The following FAM193A variants were observed in gnomAD, a reference collection of about 807,000 sequenced individuals.
FAM193A encodes family with sequence similarity 193 member A.
In FAM193A, 22 loss-of-function variants were observed where a neutral mutation model predicts 126.5. That is an observed-to-expected ratio of 0.17 (90% CI 0.12 to 0.25). The LOEUF is 0.25. FAM193A is among the 10% of genes least tolerant of loss of function. The probability of loss-of-function intolerance (pLI) is 1.00; values close to 1 mark genes in which losing one functional copy is unlikely to be tolerated. For synonymous variants in FAM193A, 761 were observed against 646.8 expected, an observed-to-expected ratio of 1.18 and a Z score of -2.68; for missense variants, 1,675 against 1,672.8, an observed-to-expected ratio of 1.00 and a Z score of -0.02.
chr4:2,634,174 G>T (rs546937860), intron 5 of FAM193A, among the ~76,000 whole-genome samples: 1 of 152,316 alleles, frequency 6.6e-6, no homozygotes, highest in Non-Finnish European at 1.5e-5. Flanking sequence ...AGCTCTCGTG[G>T]CCTTGGGGTG....
intron 20 of FAM193A, among the ~76,000 whole-genome samples, chr4:2,717,757 A>G (rs1719703034): frequency 4.1e-5 from 2 of 48,318 alleles, no homozygotes; most frequent in African/African-American, 1.4e-4. Context: ...CCTGTCTGAA[A>G]AAAAAAAAAA....
intron 10 of FAM193A, 92 bp downstream of exon 10, chr4:2,660,146 C>G (rs1369335414): frequency 4.5e-6 from 6 of 1,346,168 alleles, no homozygotes; most frequent in Non-Finnish European, 6.1e-6. Flanking sequence ...GTATGAACAT[C>G]ATTATTGTGC....
intron 13 of FAM193A, among the ~76,000 whole-genome samples, chr4:2,686,088 C>T (rs909701675): frequency 5.3e-5 from 8 of 152,280 alleles, no homozygotes; most frequent in African/African-American, 1.4e-4. Flanking sequence ...AGGTGACAGA[C>T]ACCTATTTTT....
intron 19 of FAM193A, among the ~76,000 whole-genome samples, chr4:2,707,887 T>C (rs1718486190): frequency 6.6e-6 from 1 of 151,954 alleles, no homozygotes; most frequent in African/African-American, 2.4e-5. Flanking sequence ...TAGCTGGAAT[T>C]ACAGGTGCCG....
At chr4:2,713,299 G>A (rs572713467) in intron 19 of FAM193A, among the ~76,000 whole-genome samples, 3 of 151,698 alleles carry the variant, frequency 2.0e-5, no homozygotes, top group East Asian at 3.9e-4. Flanking sequence ...CCAGCTACTC[G>A]GGAGGCTGAG....
In FAM193A at chr4:2,625,410, T is replaced by C. The variant is rs1341449270; in HGVS notation, c.635+15T>C. On this transcript the variant is annotated intron_variant, in intron 3 of 20. Coordinates refer to ENST00000637812, the MANE Select transcript of FAM193A (RefSeq NM_001366318.2). ...AGTGAGCGCAGGTATGTGACGTGTGTGCCACGTTGCTCACACCTGTCCACA... is the reference window on the plus strand; with the variant it reads ...AGTGAGCGCAGGTATGTGACGTGTGCGCCACGTTGCTCACACCTGTCCACA... 1.3e-5 allele frequency: 9 copies of C among 696,624 alleles called. No homozygotes were observed. The East Asian group carries it at 2.2e-4, about 17-fold the overall frequency. The allele number at this position is 696,624 out of a possible 1,614,324, so 43.2% of individuals were successfully genotyped here. A position where few individuals can be genotyped will look rare whatever the true frequency, so the allele number is the denominator to read the frequency against.
At chr4:2,543,668 C>T (rs879464912) in intron 1 of FAM193A, among the ~76,000 whole-genome samples, 4 of 151,698 alleles carry the variant, frequency 2.6e-5, no homozygotes, top group Admixed American at 2.0e-4. Context: ...ACCAGCCTGG[C>T]CAACATGGAG....
chr4:2,602,479 G>C (rs1253975637), intron 2 of FAM193A, among the ~76,000 whole-genome samples: 2 of 150,440 alleles, frequency 1.3e-5, no homozygotes, highest in African/African-American at 4.9e-5. Context: ...CTTAGCCTCT[G>C]AGTAGCTGGG....
chr4:2,657,278 C>G (rs538075043), intron 7 of FAM193A, among the ~76,000 whole-genome samples: 1 of 152,276 alleles, frequency 6.6e-6, no homozygotes, highest in South Asian at 2.1e-4. Flanking sequence ...GCTTACAGAA[C>G]CGACTTTCGG....
chr4:2,662,051 C>T (rs1712515531), intron 10 of FAM193A, among the ~76,000 whole-genome samples: 1 of 151,928 alleles, frequency 6.6e-6, no homozygotes, highest in African/African-American at 2.4e-5. Context: ...GGCGTGGTGG[C>T]GGGTGCTTGT....
At position 2,690,721 on chromosome 4, in the gene FAM193A, C is replaced by G. The variant is rs1405698861; in HGVS notation, c.2554C>G (p.Leu852Val). 6 of 1,613,336 alleles carry G rather than the reference C, an allele frequency of 3.7e-6. No homozygotes were observed. The Admixed American group carries it at 8.4e-5, about 22-fold the overall frequency. Residue 852 changes from leucine (L) to valine (V), a missense_variant, in exon 15 of 21, where the codon CTC (leucine) becomes GTC (valine). Coordinates refer to ENST00000637812, the MANE Select transcript of FAM193A (RefSeq NM_001366318.2). The part of the protein sequence containing the change: ...ISGSEILGPT[L>V]SETRPEALPP... ...AGGGAGTGAAATATTAGGGCCAACA[C>G]TCTCAGAAACAAGACCGGAAGCCCT...
chr4:2,623,513 G>A (rs1742681724), intron 2 of FAM193A, among the ~76,000 whole-genome samples: 1 of 152,224 alleles, frequency 6.6e-6, no homozygotes, highest in Non-Finnish European at 1.5e-5. Flanking sequence ...GCAACGCTCA[G>A]GCTTTTCTGC....
chr4:2,716,198 G>A, intron 20 of FAM193A, 94 bp downstream of exon 20: 2 of 873,458 alleles, frequency 2.3e-6, no homozygotes, highest in Non-Finnish European at 3.9e-6. Context: ...TAGTTGTCTT[G>A]GACGAAGTTA....
chr4:2,712,774 ATGTGT>A (rs922756500), intron 19 of FAM193A, among the ~76,000 whole-genome samples: 6 of 151,818 alleles, frequency 4.0e-5, no homozygotes, highest in South Asian at 2.1e-4. Context: ...TTTTTTTAAA[ATGTGT>A]TGTGGGGTTT....
At chr4:2,607,948 T>A in intron 2 of FAM193A, 1 of 1,449,632 alleles carries the variant, frequency 6.9e-7, no homozygotes, top group Non-Finnish European at 9.4e-7. Context: ...CACAGATTCT[T>A]TTCTTTTTTT....
intron 13 of FAM193A, among the ~76,000 whole-genome samples, chr4:2,675,454 T>C (rs1370861123): frequency 2.6e-5 from 4 of 152,232 alleles, no homozygotes; most frequent in Non-Finnish European, 4.4e-5. Flanking sequence ...ACATTGAGAA[T>C]TGTTACGTCG....
At chr4:2,662,802 G>A (rs778574081) in intron 10 of FAM193A, 36 bp from the exon 11 acceptor site, 121 of 1,565,664 alleles carry the variant, frequency 7.7e-5, no homozygotes, top group Non-Finnish European at 9.8e-5. Context: ...TTTCACAATT[G>A]AATGACCTCA....
intron 20 of FAM193A, 120 bp from the exon 21 acceptor site, chr4:2,731,655 C>G: frequency 1.3e-6 from 1 of 749,992 alleles, no homozygotes; most frequent in Non-Finnish European, 2.3e-6. Flanking sequence ...CACCGAGAAT[C>G]TAAACCCCTG....
intron 18 of FAM193A, among the ~76,000 whole-genome samples, chr4:2,698,196 G>A (rs1328627528): frequency 2.0e-5 from 3 of 152,222 alleles, no homozygotes; most frequent in Non-Finnish European, 2.9e-5. Flanking sequence ...GGTCCAAACC[G>A]GGGGCCTGTG....
Sources: gnomAD v4.1 joint callset for allele counts (sites outside exome capture counted in the v4.1 genomes callset) on GRCh38, gnomAD v4.1.1 for gene constraint, MANE v1.5 for transcripts, NCBI Gene and HGNC (gene_info 2026-07-23, HGNC 2026-07-21) for gene names.